Variants in ARL13A observed in about 807,000 individuals in gnomAD.
ARL13A encodes the protein ADP-ribosylation factor-like protein 13A.
A neutral mutation model predicts 19.1 loss-of-function variants in ARL13A; 16 were observed. The ratio of observed to expected loss-of-function variants is 0.84; its 90% CI spans 0.57 to 1.27. The LOEUF (loss-of-function observed/expected upper bound fraction) is 1.27, where lower values mean the gene tolerates loss of function less well. Ranked by LOEUF, ARL13A falls within the 50% of genes most tolerant of loss-of-function variation. ARL13A has a pLI of 0.00. For synonymous variants in ARL13A, 69 were observed against 71.3 expected, an observed-to-expected ratio of 0.97 and a Z score of 0.17; for missense variants, 153 against 186.4, an observed-to-expected ratio of 0.82 and a Z score of 1.04.
chrX:100,971,480 T>C (rs1427806952), intron 1 of ARL13A, among the ~76,000 whole-genome samples: 2 of 99,455 alleles, frequency 2.0e-5, no homozygotes, highest in Non-Finnish European at 4.0e-5. Flanking sequence ...GTCTGTGTAG[T>C]CTGCTATACT....
At chrX:100,985,360 A>G (rs192749084) in intron 3 of ARL13A, among the ~76,000 whole-genome samples, 1 of 111,706 alleles carries the variant, frequency 9.0e-6, no homozygotes, top group African/African-American at 3.2e-5. Context: ...ACACTCACTA[A>G]AGGTTACTGA....
intron 3 of ARL13A, among the ~76,000 whole-genome samples, chrX:100,977,756 A>C (rs1052822493): frequency 8.9e-6 from 1 of 112,197 alleles, no homozygotes; most frequent in East Asian, 2.8e-4. Flanking sequence ...AGAACATACG[A>C]AATTTATCTT....
chrX:100,986,703 T>G, intron 4 of ARL13A, 93 bp from the exon 5 acceptor site: 1 of 520,192 alleles, frequency 1.9e-6, no homozygotes, highest in Non-Finnish European at 3.2e-6. Flanking sequence ...GTAGAATTTG[T>G]TCTCCTCCTC....
intron 3 of ARL13A, among the ~76,000 whole-genome samples, chrX:100,980,033 T>C (rs1413762465): frequency 9.1e-6 from 1 of 110,164 alleles, no homozygotes; most frequent in Admixed American, 9.6e-5. Flanking sequence ...ACTGAGACTG[T>C]GCTGAGTCAC....
intron 3 of ARL13A, among the ~76,000 whole-genome samples, chrX:100,978,076 C>T (rs1447350838): frequency 8.9e-6 from 1 of 112,324 alleles, no homozygotes; most frequent in Non-Finnish European, 1.9e-5. Flanking sequence ...TTTTGAGGAA[C>T]TTTCATAGTG....
intron 3 of ARL13A, among the ~76,000 whole-genome samples, chrX:100,984,552 A>G (rs1388395031): frequency 8.9e-6 from 1 of 112,544 alleles, no homozygotes; most frequent in African/African-American, 3.2e-5. Flanking sequence ...TAAGTCTAGC[A>G]TGGTTTCTTG....
chrX:100,970,810 T>C (rs1397473716), intron 1 of ARL13A, among the ~76,000 whole-genome samples: 2 of 110,715 alleles, frequency 1.8e-5, no homozygotes, highest in Non-Finnish European at 3.8e-5. Context: ...GAAACCACAA[T>C]GAAATACCTA....
At chrX:100,985,198 T>C (rs912851000) in intron 3 of ARL13A, among the ~76,000 whole-genome samples, 2 of 111,588 alleles carry the variant, frequency 1.8e-5, no homozygotes, top group Admixed American at 1.9e-4. Flanking sequence ...GACATTGATG[T>C]AGAGTGGGAG....
intron 6 of ARL13A, among the ~76,000 whole-genome samples, 173 bp downstream of exon 6, chrX:100,987,729 T>C (rs1047664927): frequency 1.8e-5 from 2 of 111,617 alleles, no homozygotes; most frequent in African/African-American, 3.3e-5. Context: ...CCAACATTGT[T>C]AGGTATACCC....
intron 5 of ARL13A, among the ~76,000 whole-genome samples, 169 bp from the exon 6 acceptor site, chrX:100,987,221 A>T (rs2085947895): frequency 8.9e-6 from 1 of 111,870 alleles, no homozygotes; most frequent in Admixed American, 9.5e-5. Flanking sequence ...TATGTCTGTC[A>T]TTTGCCTTCT....
intron 6 of ARL13A, 26 bp from the exon 7 acceptor site, chrX:100,988,167 C>G: frequency 3.5e-6 from 4 of 1,157,813 alleles, no homozygotes; most frequent in Non-Finnish European, 4.7e-6. Flanking sequence ...GTTTCTACTA[C>G]TGCTGTCCTT....
At chrX:100,984,118 GT>G (rs768378066) in intron 3 of ARL13A, among the ~76,000 whole-genome samples, 20 of 97,926 alleles carry the variant, frequency 2.0e-4, no homozygotes, top group South Asian at 4.7e-4. Flanking sequence ...TTTGTTTTTT[GT>G]TTTTTTTTTT....
intron 3 of ARL13A, among the ~76,000 whole-genome samples, chrX:100,974,425 T>G (rs1172886375): frequency 9.2e-6 from 1 of 108,938 alleles, no homozygotes; most frequent in Non-Finnish European, 1.9e-5. Context: ...ATAAACAGCC[T>G]GTTTATGTAA....
At chrX:100,977,745 G>A (rs1422392499) in intron 3 of ARL13A, among the ~76,000 whole-genome samples, 1 of 112,101 alleles carries the variant, frequency 8.9e-6, no homozygotes, top group Non-Finnish European at 1.9e-5. Context: ...ACAAATGAGT[G>A]AGAACATACG....
chrX:100,984,455 A>T (rs1267698862), intron 3 of ARL13A, among the ~76,000 whole-genome samples: 1 of 110,729 alleles, frequency 9.0e-6, no homozygotes, highest in African/African-American at 3.3e-5. Flanking sequence ...ACCGTTTTCA[A>T]CTCCATTTCT....
chrX:100,981,634 T>C (rs1438364322), intron 3 of ARL13A, among the ~76,000 whole-genome samples: 7 of 93,035 alleles, frequency 7.5e-5, no homozygotes, highest in African/African-American at 2.8e-4. Context: ...CAAAACTCTC[T>C]ACAAAAAAAA....
At position 100,987,458 on chromosome X, in the gene ARL13A, G is replaced by C. The variant is rs374662488; in HGVS notation, c.555G>C (p.Trp185Cys). The change falls in exon 6 of 8, where the codon TGG becomes TGC. Residue 185 changes from tryptophan (W) to cysteine (C), a missense_variant. Coordinates refer to ENST00000450049, the MANE Select transcript of ARL13A (RefSeq NM_001162491.2). ...NHQPIVEGLR[W>C]LLAVIDTCQL... ...AGCCCATAGTTGAAGGACTGCGCTG[G>C]CTATTAGCTGTCATTGATACTTGCC... is the stretch of plus-strand genomic sequence containing the variant. 2.2e-5 allele frequency: 26 copies of C among 1,209,225 alleles called. No homozygotes were observed. Among genetic ancestry groups the C allele is most frequent in the Non-Finnish European group, 2.9e-5 (26 of 894,904 alleles).
At chrX:100,982,594 G>A (rs2085876516) in intron 3 of ARL13A, among the ~76,000 whole-genome samples, 1 of 109,488 alleles carries the variant, frequency 9.1e-6, no homozygotes, top group Non-Finnish European at 1.9e-5. Flanking sequence ...CCTACTGACG[G>A]GACCTGGAGA....
intron 3 of ARL13A, among the ~76,000 whole-genome samples, chrX:100,980,999 T>A (rs751434980): frequency 2.7e-5 from 3 of 111,660 alleles, no homozygotes; most frequent in Non-Finnish European, 5.6e-5. Context: ...CTCTTCCCTC[T>A]CCTCCTGGAG....
Sources: allele counts gnomAD v4.1 joint callset (sites outside exome capture counted in the v4.1 genomes callset), GRCh38; gene constraint gnomAD v4.1.1; transcripts MANE v1.5; gene names NCBI Gene and HGNC (gene_info 2026-07-23, HGNC 2026-07-21).